RNF38: variants seen among roughly 807,000 people sequenced by gnomAD.
RNF38 encodes E3 ubiquitin-protein ligase RNF38.
Under a neutral mutation model 67.2 loss-of-function variants are expected in RNF38, and 15 were observed. The observed-to-expected ratio is 0.22, with a 90% CI of 0.15 to 0.34. RNF38 has a LOEUF of 0.34. Among genes scored for constraint, RNF38 ranks in the 10% least tolerant of loss-of-function variants. RNF38 has a pLI of 1.00. For missense variants in RNF38, 524 were observed against 639.9 expected, an observed-to-expected ratio of 0.82 and a Z score of 1.95; for synonymous variants, 220 against 218.8, an observed-to-expected ratio of 1.01 and a Z score of -0.05.
intron 2 of RNF38, among the ~76,000 whole-genome samples, chr9:36,389,853 C>G (rs981535905): frequency 6.6e-6 from 1 of 152,176 alleles, no homozygotes; most frequent in South Asian, 2.1e-4. Context: ...ATACTGACTT[C>G]CACTACTAAA....
At chr9:36,417,755 C>T (rs1838513224) in intron 2 of RNF38, among the ~76,000 whole-genome samples, 2 of 152,114 alleles carry the variant, frequency 1.3e-5, no homozygotes, top group African/African-American at 4.8e-5. Flanking sequence ...AAGTGACCTG[C>T]CTGCCTTGGC....
intron 9 of RNF38, among the ~76,000 whole-genome samples, chr9:36,348,014 T>C (rs1020724944): frequency 6.6e-6 from 1 of 152,092 alleles, no homozygotes; most frequent in Admixed American, 6.5e-5. Context: ...AGGCGGAGCT[T>C]GCAGTGAGCC....
At chr9:36,372,414 A>G in intron 3 of RNF38, 1 of 602,206 alleles carries the variant, frequency 1.7e-6, no homozygotes, top group Non-Finnish European at 3.0e-6. Flanking sequence ...GTTTATTCAC[A>G]GTTCTTTGTT....
chr9:36,454,461 A>G (rs931509820), intron 1 of RNF38, among the ~76,000 whole-genome samples: 1 of 152,060 alleles, frequency 6.6e-6, no homozygotes, highest in African/African-American at 2.4e-5. Flanking sequence ...TAGAAAACAA[A>G]ATATCATACC....
intron 1 of RNF38, among the ~76,000 whole-genome samples, chr9:36,427,657 C>CTCTATCTATCTATCTATCTA (rs146556210): frequency 1.3e-4 from 19 of 147,182 alleles, no homozygotes; most frequent in East Asian, 4.1e-4. Flanking sequence ...ATTTCCCAGC[C>CTCTATCTATCTATCTATCTA]TCTATCTATC....
At chr9:36,351,284 T>TA in intron 8 of RNF38, 85 bp from the exon 9 acceptor site, 3 of 853,296 alleles carry the variant, frequency 3.5e-6, no homozygotes, top group Non-Finnish European at 5.5e-6. Flanking sequence ...GCCAGTGCTA[T>TA]AAGGATGAAG....
intron 1 of RNF38, among the ~76,000 whole-genome samples, chr9:36,439,680 C>T (rs1255753714): frequency 6.7e-6 from 1 of 150,080 alleles, no homozygotes; most frequent in African/African-American, 2.5e-5. Context: ...TGGCACACAC[C>T]TTTAGTCCCA....
rs1832577562 is a variant in RNF38 at position 36,338,150 on chromosome 9, G to A, written c.*1602C>T. The A allele has an allele frequency of 6.6e-6, 1 of 152,268 alleles. No individual in the cohort carries two copies. Among genetic ancestry groups the A allele is most frequent in the Non-Finnish European group, 1.5e-5 (1 of 68,036 alleles). 9.4% of individuals were successfully genotyped at this position (152,268 alleles called of 1,614,324 possible). A position where few individuals can be genotyped will look rare whatever the true frequency, so the allele number is the denominator to read the frequency against. On this transcript the variant is annotated 3_prime_UTR_variant, in exon 12 of 12. Coordinates refer to ENST00000259605, the MANE Select transcript of RNF38 (RefSeq NM_022781.5). ...GCAATTACATCAACTGCAGGAAGAG[G>A]CAGACAATGTTGAATACACTAAAAG...
chr9:36,418,853 C>T (rs1838542319), intron 2 of RNF38, among the ~76,000 whole-genome samples: 1 of 151,676 alleles, frequency 6.6e-6, no homozygotes, highest in Non-Finnish European at 1.5e-5. Flanking sequence ...ATCCCAGCTA[C>T]TCGGGAGGCT....
chr9:36,458,762 A>G (rs932963035), intron 1 of RNF38, among the ~76,000 whole-genome samples: 5 of 152,146 alleles, frequency 3.3e-5, no homozygotes, highest in Admixed American at 6.6e-5. Flanking sequence ...AATCAAGAAC[A>G]CACCGGAAGG....
At chr9:36,405,776 G>C (rs538088199), upstream of RNF38, among the ~76,000 whole-genome samples, 4 of 152,270 alleles carry the variant, frequency 2.6e-5, no homozygotes, top group African/African-American at 9.6e-5. Context: ...TTCACTATCT[G>C]CTTCTAGAAA....
chr9:36,466,059 AG>A (rs1306629668), intron 1 of RNF38, among the ~76,000 whole-genome samples: 9 of 152,206 alleles, frequency 5.9e-5, no homozygotes, highest in African/African-American at 2.2e-4. Context: ...CTCGTGAAAA[AG>A]TAAAAAAAAG....
chr9:36,443,201 G>C (rs1406506980), intron 1 of RNF38, among the ~76,000 whole-genome samples: 2 of 152,152 alleles, frequency 1.3e-5, no homozygotes, highest in Non-Finnish European at 2.9e-5. Flanking sequence ...ATATTAAATG[G>C]ATTGTCCGCA....
intron 9 of RNF38, among the ~76,000 whole-genome samples, chr9:36,347,382 TTGAAGGTGTG>T (rs1250405437): frequency 6.6e-6 from 1 of 152,138 alleles, no homozygotes; most frequent in African/African-American, 2.4e-5. Flanking sequence ...AAACAAAAAA[TTGAAGGTGTG>T]TGGCCACCCC....
chr9:36,397,320 T>C (rs1837618622), intron 1 of RNF38, among the ~76,000 whole-genome samples: 1 of 152,046 alleles, frequency 6.6e-6, no homozygotes, highest in African/African-American at 2.4e-5. Context: ...CATCATATTA[T>C]TCAGGCTGGT....
chr9:36,406,457 A>C (rs950039147), intron 2 of RNF38, among the ~76,000 whole-genome samples: 27 of 152,188 alleles, frequency 1.8e-4, no homozygotes, highest in Admixed American at 5.2e-4. Flanking sequence ...CAACAACCTC[A>C]ATCTCTATTG....
chr9:36,356,756 CG>C (rs970160305), intron 5 of RNF38, among the ~76,000 whole-genome samples: 17 of 94,140 alleles, frequency 1.8e-4, no homozygotes, highest in South Asian at 1.2e-3. Context: ...GTGGGGGGGG[CG>C]GGGGGGAAGT....
chr9:36,416,422 A>T (rs1188630336), intron 2 of RNF38, among the ~76,000 whole-genome samples: 1 of 152,098 alleles, frequency 6.6e-6, no homozygotes, highest in African/African-American at 2.4e-5. Context: ...GCCTTAGAGC[A>T]AGGCTGAGAT....
At chr9:36,477,821 C>CACA (rs373655886) in intron 1 of RNF38, among the ~76,000 whole-genome samples, 1 of 110,432 alleles carries the variant, frequency 9.1e-6, no homozygotes, top group Non-Finnish European at 1.8e-5. Flanking sequence ...GACTCTGTCT[C>CACA]AAAAAAAAAA....
Sources: gnomAD v4.1 joint callset for allele counts (sites outside exome capture counted in the v4.1 genomes callset) on GRCh38, gnomAD v4.1.1 for gene constraint, MANE v1.5 for transcripts, NCBI Gene and HGNC (gene_info 2026-07-23, HGNC 2026-07-21) for gene names.